GPR37: variants seen among roughly 807,000 people sequenced by gnomAD.
GPR37 encodes the protein prosaposin receptor GPR37.
In GPR37, 20 loss-of-function variants were observed where a neutral mutation model predicts 43.6. That is an observed-to-expected ratio of 0.46 (90% CI 0.32 to 0.67). GPR37 has a LOEUF of 0.67. Ranked by LOEUF, GPR37 falls within the 30% of genes least tolerant of loss-of-function variation. The probability of loss-of-function intolerance (pLI) is 0.03; values close to 1 mark genes in which losing one functional copy is unlikely to be tolerated. For synonymous variants in GPR37, 315 were observed against 322.6 expected (o/e 0.98, Z 0.25); for missense variants, 724 against 797.2 (o/e 0.91, Z 1.11).
At chr7:124,760,527 TGACA>T (rs1161336357) in intron 1 of GPR37, among the ~76,000 whole-genome samples, 1 of 152,194 alleles carries the variant, frequency 6.6e-6, no homozygotes, top group Non-Finnish European at 1.5e-5. Context: ...CAGAACTTAC[TGACA>T]GTTTATGAGA....
At chr7:124,758,978 C>T (rs1305479964) in intron 1 of GPR37, among the ~76,000 whole-genome samples, 1 of 152,030 alleles carries the variant, frequency 6.6e-6, no homozygotes, top group Non-Finnish European at 1.5e-5. Context: ...TCTGGGATCT[C>T]GGTCAGATGA....
Position 124,763,956 on chromosome 7 carries a change from C to T in GPR37, c.1021G>A (p.Glu341Lys). 1 of 1,613,722 alleles carries T rather than the reference C, an allele frequency of 6.2e-7. No homozygotes were observed. The highest frequency in any genetic ancestry group is 8.5e-7 in the Non-Finnish European group (1 of 1,179,970). The change falls in exon 1 of 2, where the codon GAG (glutamate) becomes AAG (lysine). Residue 341 changes from glutamate (E) to lysine (K), a missense_variant and splice_region_variant. Physicochemically the swap from Glu to Lys is moderately conservative, Grantham distance 56. Around this residue, in one of 2 missense-constraint regions of GPR37, gnomAD observed 342 missense variants for 441.8 expected, o/e 0.77. Coordinates refer to ENST00000303921, the MANE Select transcript of GPR37 (RefSeq NM_005302.5). ...DFSCKIVPYI[E>K]VASLGVTTFT... ...TGAGAGCCCCTGGAAGGCATTACCT[C>T]TATATAGGGCACGATCTTGCAGGAG...
At position 124,764,339 on chromosome 7, in the gene GPR37, G is replaced by A; in HGVS notation, c.638C>T (p.Ala213Val). The part of the protein sequence containing the change: ...GLAGHEGWTI[A>V]LPGRALAQNG... ...CTGGGCCAGCGCCCGGCCCGGGAGT[G>A]CAATTGTCCACCCTTCGTGCCCCGC... The change falls in exon 1 of 2, where the codon GCA (alanine) becomes GTA (valine). Residue 213 changes from alanine to valine, a missense_variant. By Grantham distance (64) the Ala-to-Val change is moderately conservative. Around this residue, in one of 2 missense-constraint regions of GPR37, gnomAD observed 382 missense variants for 355.4 expected, o/e 1.07. Coordinates refer to ENST00000303921, the MANE Select transcript of GPR37 (RefSeq NM_005302.5). This position sits in a 1 kb window ranked among gnomAD's most constrained non-coding sequence, Gnocchi z 5.4. The A allele has an allele frequency of 6.2e-7, 1 of 1,612,902 alleles. No homozygotes were observed. Among genetic ancestry groups the A allele is most frequent in the South Asian group, 1.1e-5 (1 of 91,026 alleles).
chr7:124,759,332 G>A (rs1246115028), intron 1 of GPR37, among the ~76,000 whole-genome samples: 2 of 152,050 alleles, frequency 1.3e-5, no homozygotes. Context: ...CTCCCAAAGT[G>A]CTGAGATTAC....
chr7:124,761,701 G>A (rs1161934972), intron 1 of GPR37, among the ~76,000 whole-genome samples: 4 of 152,098 alleles, frequency 2.6e-5, no homozygotes, highest in African/African-American at 9.7e-5. Flanking sequence ...AGTGCCTCCT[G>A]GAGACACACT....
Position 124,764,730 on chromosome 7 carries a change from C to G in GPR37, c.247G>C (p.Gly83Arg). ...REEQGAAFLA[G>R]PSWDLPAAPG... ...GCCGCCGGCAGGTCCCAGGAGGGTC[C>G]CGCAAGAAACGCTGCCCCCTGCTCC... Residue 83 changes from glycine (G) to arginine (R), a missense_variant, in exon 1 of 2, where the codon GGA becomes CGA. This residue lies in a region of GPR37 where 382 missense variants were observed against 355.4 expected (regional missense o/e 1.07). Transcript: ENST00000303921. This position sits in a 1 kb window ranked among gnomAD's most constrained non-coding sequence, Gnocchi z 5.4. 6.2e-7 allele frequency: 1 copy of G among 1,609,352 alleles called. No homozygotes were observed. The highest frequency in any genetic ancestry group is 8.5e-7 in the Non-Finnish European group (1 of 1,179,402).
Position 124,747,362 on chromosome 7 carries a change from G to T in GPR37, c.1024-19C>A. 6.6e-7 allele frequency: 1 copy of T among 1,522,784 alleles called. No individual in the cohort carries two copies. 94.3% of individuals were successfully genotyped at this position (1,522,784 alleles called of 1,614,324 possible). A position where few individuals can be genotyped will look rare whatever the true frequency, so the allele number is the denominator to read the frequency against. ...AAGCGACCTGTGGGGGAACATAGAA[G>T]ACATTTATTCCCGGTGTCCCCCGAA... On this transcript the variant is annotated intron_variant, in intron 1 of 1. Transcript: ENST00000303921.
chr7:124,747,147 T>A lies in GPR37; in HGVS notation c.1220A>T (p.Asp407Val), dbSNP rs1793681720. ...EVVLRQLSKE[D>V]LGFSGRAPAE... ...CGGAGCTCGGCCACTAAACCCCAAA[T>A]CCTCCTTGCTCAGCTGGCGGAGAAC... The change falls in exon 2 of 2, where the codon GAT becomes GTT. Residue 407 changes from aspartate (D) to valine (V), a missense_variant. Asp to Val is a radical substitution (Grantham distance 152, BLOSUM62 -3). Transcript: ENST00000303921. 6.2e-7 allele frequency: 1 copy of A among 1,613,694 alleles called. No homozygotes were observed. Among genetic ancestry groups the A allele is most frequent in the Non-Finnish European group, 8.5e-7 (1 of 1,179,916 alleles).
intron 1 of GPR37, among the ~76,000 whole-genome samples, chr7:124,757,797 T>C (rs1281448519): frequency 6.6e-6 from 1 of 152,202 alleles, no homozygotes; most frequent in Non-Finnish European, 1.5e-5. Context: ...TTTGGAAACT[T>C]TTCCCCCTCT....
At chr7:124,753,849 T>C (rs952598423) in intron 1 of GPR37, among the ~76,000 whole-genome samples, 1 of 152,124 alleles carries the variant, frequency 6.6e-6, no homozygotes, top group Non-Finnish European at 1.5e-5. Flanking sequence ...CATGTATTTA[T>C]GAGATCGTGA....
chr7:124,751,734 A>C (rs1192312017), intron 1 of GPR37, among the ~76,000 whole-genome samples: 1 of 152,192 alleles, frequency 6.6e-6, no homozygotes, highest in Non-Finnish European at 1.5e-5. Context: ...AAAATTCAAT[A>C]TCACCATGAA....
intron 1 of GPR37, among the ~76,000 whole-genome samples, chr7:124,761,091 G>A (rs1263377926): frequency 6.6e-6 from 1 of 150,560 alleles, no homozygotes; most frequent in Non-Finnish European, 1.5e-5. Flanking sequence ...CTGAAGCAGA[G>A]GTTGCAGTGA....
At chr7:124,759,697 G>A (rs1258121995) in intron 1 of GPR37, among the ~76,000 whole-genome samples, 2 of 151,956 alleles carry the variant, frequency 1.3e-5, no homozygotes, top group Non-Finnish European at 2.9e-5. Context: ...CATAATCCTG[G>A]AATAGAAAGG....
At chr7:124,753,546 T>A (rs1479076290) in intron 1 of GPR37, among the ~76,000 whole-genome samples, 1 of 151,302 alleles carries the variant, frequency 6.6e-6, no homozygotes, top group Non-Finnish European at 1.5e-5. Flanking sequence ...TACCACAAAG[T>A]GGAAAAAAAA....
chr7:124,762,482 TAAAAAAA>T (rs11428732), intron 1 of GPR37, among the ~76,000 whole-genome samples: 3 of 142,140 alleles, frequency 2.1e-5, no homozygotes, highest in South Asian at 2.2e-4. Flanking sequence ...TTTCTTCTGA[TAAAAAAA>T]AAAAAAGAAA....
chr7:124,746,531 A>G lies in GPR37; in HGVS notation c.1836T>C (p.His612=), dbSNP rs766608760. ...CCCAACCAAGTACTGTCCTTCAGCA[A>G]TGAGTTCCGACAGAAGCAAAAGTGG... ...EMSTFASVGT[H]C is the part of the protein sequence containing the mutation. The change falls in exon 2 of 2, where the codon CAT becomes CAC. Residue 612 remains histidine (H), a synonymous_variant. Transcript: ENST00000303921. 1 of 1,592,752 alleles carries G rather than the reference A, an allele frequency of 6.3e-7. No homozygotes were observed. The highest frequency in any genetic ancestry group is 8.6e-7 in the Non-Finnish European group (1 of 1,168,350).
rs1044214204 is a variant in GPR37 at position 124,744,967 on chromosome 7, CAAGGGCACCTTGTTTG to C, written c.*1542_*1557del. On this transcript the variant is annotated 3_prime_UTR_variant, in exon 2 of 2. Transcript: ENST00000303921. ...CCTATTACAGGGATCTACAAGAAGA[CAAGGGCACCTTGTTTG>C]AATTCTCCTGCAGATCCCACAGAAT... The C allele has an allele frequency of 1.3e-5, 2 of 152,090 alleles. No homozygotes were observed. The highest frequency in any genetic ancestry group is 4.8e-5 in the African/African-American group (2 of 41,418). The allele number at this position is 152,090 out of a possible 1,614,324, so 9.4% of individuals were successfully genotyped here.
chr7:124,751,371 T>A (rs1352378743), intron 1 of GPR37, among the ~76,000 whole-genome samples: 1 of 152,158 alleles, frequency 6.6e-6, no homozygotes, highest in African/African-American at 2.4e-5. Flanking sequence ...CATTTTATGG[T>A]GTGAAAGAGC....
At chr7:124,754,077 T>C (rs560638599) in intron 1 of GPR37, among the ~76,000 whole-genome samples, 1 of 152,132 alleles carries the variant, frequency 6.6e-6, no homozygotes, top group Non-Finnish European at 1.5e-5. Context: ...AAAAAAATAA[T>C]ACAAACAGAA....
Sources: allele counts gnomAD v4.1 joint callset (sites outside exome capture counted in the v4.1 genomes callset), GRCh38; gene constraint gnomAD v4.1.1; regional missense constraint gnomAD v4.1.1; non-coding constraint Gnocchi (gnomAD v3.1); transcripts MANE v1.5; gene names NCBI Gene and HGNC (gene_info 2026-07-23, HGNC 2026-07-21).